Variants in PSME4 observed in about 807,000 individuals in gnomAD.
PSME4 encodes the protein proteasome activator complex subunit 4.
PSME4 carries 89 observed loss-of-function variants against 253.9 expected under a neutral mutation model. That is an observed-to-expected ratio of 0.35 (90% CI 0.30 to 0.42). The LOEUF (loss-of-function observed/expected upper bound fraction) is 0.42. Among genes scored for constraint, PSME4 ranks in the 10% least tolerant of loss-of-function variants. PSME4 has a pLI of 1.00. For missense variants in PSME4, 2,014 were observed against 2,195.2 expected, an observed-to-expected ratio of 0.92 and a Z score of 1.65; for synonymous variants, 851 against 759.2, an observed-to-expected ratio of 1.12 and a Z score of -1.99.
At chr2:53,906,764 T>C (rs201193595) in intron 25 of PSME4, 42 bp downstream of exon 25, 131 of 1,600,136 alleles carry the variant, frequency 8.2e-5, no homozygotes, top group Admixed American at 8.1e-4. Context: ...ATCTGGAAAA[T>C]TGACATTTTA....
chr2:53,934,725 T>A lies in PSME4; in HGVS notation c.837A>T (p.Ile279=), dbSNP rs1173625407. The change falls in exon 8 of 47, where the codon ATA becomes ATT. Residue 279 remains isoleucine (I), a splice_region_variant and synonymous_variant. Transcript: ENST00000404125. ...TCAAGCTTCTCAGAATTCTTGTAAA[T>A]ATCTTTTAAAAGAAAAAAATAAGTA... ...YIDWDPYVPK[I]FTRILRSLNL... 6.3e-7 allele frequency: 1 copy of A among 1,583,208 alleles called. No individual in the cohort carries two copies. Among genetic ancestry groups the A allele is most frequent in the Non-Finnish European group, 8.7e-7 (1 of 1,155,284 alleles).
At chr2:53,919,785 C>A (rs1668215049) in intron 19 of PSME4, among the ~76,000 whole-genome samples, 1 of 151,816 alleles carries the variant, frequency 6.6e-6, no homozygotes, top group Admixed American at 6.6e-5. Context: ...GTTTCAAATA[C>A]TTATTTCTTG....
At chr2:53,931,549 A>C (rs1158484181) in intron 10 of PSME4, among the ~76,000 whole-genome samples, 2 of 152,250 alleles carry the variant, frequency 1.3e-5, no homozygotes, top group African/African-American at 4.8e-5. Context: ...CAACATTTCG[A>C]TCTAAAAAGG....
chr2:53,921,661 G>T (rs1222178684), intron 17 of PSME4, among the ~76,000 whole-genome samples: 2 of 123,906 alleles, frequency 1.6e-5, no homozygotes, highest in Non-Finnish European at 1.7e-5. Flanking sequence ...GAGGTCAGGA[G>T]ATCGAGACCA....
In PSME4 at chr2:53,890,320, T is replaced by C. The variant is rs1003414867; in HGVS notation, c.4192-112A>G. 56 of 729,892 alleles carry C rather than the reference T, an allele frequency of 7.7e-5. No homozygotes were observed. The African/African-American group carries it at 9.0e-4, about 12-fold the overall frequency. 45.2% of individuals were successfully genotyped at this position (729,892 alleles called of 1,614,324 possible). ...ACATACAGGTATATCATTTAAATTA[T>C]TTTTGAGACATGGTCTCATGCTATT... On this transcript the variant is annotated intron_variant, in intron 36 of 46. Coordinates refer to ENST00000404125, the MANE Select transcript of PSME4 (RefSeq NM_014614.3).
chr2:53,914,717 C>G (rs1667978943), intron 20 of PSME4, among the ~76,000 whole-genome samples: 1 of 152,020 alleles, frequency 6.6e-6, no homozygotes, highest in Admixed American at 6.6e-5. Flanking sequence ...CCTGTCTCTA[C>G]TAAAAATACA....
chr2:53,948,894 G>T (rs773067642), intron 2 of PSME4, among the ~76,000 whole-genome samples: 4 of 152,096 alleles, frequency 2.6e-5, no homozygotes, highest in Admixed American at 6.6e-5. Context: ...TCTTCTCAAG[G>T]GACTTAACAA....
At chr2:53,950,901 G>C (rs1008752843) in intron 1 of PSME4, among the ~76,000 whole-genome samples, 3 of 150,918 alleles carry the variant, frequency 2.0e-5, no homozygotes, top group Admixed American at 6.6e-5. Flanking sequence ...ACAAATCAGA[G>C]TATATTTAAG....
rs1667665416 is a variant in PSME4 at position 53,908,383 on chromosome 2, G to A, written c.2721C>T (p.His907=). 1 of 1,613,044 alleles carries A rather than the reference G, an allele frequency of 6.2e-7. No individual in the cohort carries two copies. Among genetic ancestry groups the A allele is most frequent in the African/African-American group, 1.3e-5 (1 of 74,878 alleles). The part of the protein sequence containing the change: ...IGDLLQFQGS[H]KHEFDSRWKS... The stretch of plus-strand genomic sequence containing the variant: ...TCCATCGGGAGTCAAATTCATGCTT[G>A]TGAGATCCTTGGAATTGTAAAAGGT... The change falls in exon 24 of 47, where the codon CAC becomes CAT. Residue 907 remains histidine (H), a synonymous_variant. Transcript: ENST00000404125.
At chr2:53,938,942 T>C (rs1669251170) in intron 4 of PSME4, among the ~76,000 whole-genome samples, 1 of 152,236 alleles carries the variant, frequency 6.6e-6, no homozygotes, top group Admixed American at 6.5e-5. Context: ...TTAAGTTTTC[T>C]GATTCAATTG....
Position 53,970,818 on chromosome 2 carries a change from C to A in PSME4, c.-34G>T. The A allele has an allele frequency of 2.1e-6, 3 of 1,454,550 alleles. No individual in the cohort carries two copies. Among genetic ancestry groups the A allele is most frequent in the South Asian group, 1.3e-5 (1 of 75,078 alleles). The allele number at this position is 1,454,550 out of a possible 1,614,324, so 90.1% of individuals were successfully genotyped here. A position where few individuals can be genotyped will look rare whatever the true frequency, so the allele number is the denominator to read the frequency against. On this transcript the variant is annotated 5_prime_UTR_variant, in exon 1 of 47. Transcript: ENST00000404125. ...GGACACCCCCCCCACCCCCTCCCACCCGAACCCTCCCCGGCCCCCACCCCT... is the reference window on the plus strand; with the variant it reads ...GGACACCCCCCCCACCCCCTCCCACACGAACCCTCCCCGGCCCCCACCCCT...
intron 27 of PSME4, among the ~76,000 whole-genome samples, chr2:53,903,337 A>G (rs1680498124): frequency 1.3e-5 from 2 of 152,172 alleles, no homozygotes; most frequent in Non-Finnish European, 2.9e-5. Context: ...CCAAAAGCTT[A>G]GTAACTTTGA....
Position 53,939,910 on chromosome 2 carries a change from G to C in PSME4, c.545+46C>G, listed in dbSNP as rs770398157. The C allele has an allele frequency of 8.0e-6, 12 of 1,491,854 alleles. No homozygotes were observed. The South Asian group carries it at 1.3e-4, about 16-fold the overall frequency. The allele number at this position is 1,491,854 out of a possible 1,614,324, so 92.4% of individuals were successfully genotyped here. ...CAAACCATACTAAAGATGTGGAAAA[G>C]CCCACAGAAACAACAAGAGGCTTTA... On this transcript the variant is annotated intron_variant, in intron 4 of 46. Coordinates refer to ENST00000404125, the MANE Select transcript of PSME4 (RefSeq NM_014614.3).
At chr2:53,873,597 A>G (rs923359555) in intron 43 of PSME4, among the ~76,000 whole-genome samples, 3 of 152,232 alleles carry the variant, frequency 2.0e-5, no homozygotes, top group East Asian at 1.9e-4. Context: ...ATCTTTTTGT[A>G]CAAACCATTA....
chr2:53,872,739 C>G (rs1378315347), intron 43 of PSME4, among the ~76,000 whole-genome samples: 1 of 24,692 alleles, frequency 4.0e-5, no homozygotes, highest in Admixed American at 7.8e-4. Context: ...AAGACTTGGT[C>G]TCAAAAAAAA....
intron 17 of PSME4, among the ~76,000 whole-genome samples, chr2:53,921,784 C>T (rs1478772610): frequency 2.9e-5 from 4 of 137,860 alleles, no homozygotes; most frequent in Non-Finnish European, 4.7e-5. Context: ...AGGAGAATGG[C>T]GTGAACCCGG....
intron 20 of PSME4, among the ~76,000 whole-genome samples, 154 bp from the exon 21 acceptor site, chr2:53,910,284 T>C (rs1385479041): frequency 6.6e-6 from 1 of 152,188 alleles, no homozygotes; most frequent in African/African-American, 2.4e-5. Context: ...AATCAATCTA[T>C]CTTTCTCAAG....
intron 12 of PSME4, among the ~76,000 whole-genome samples, chr2:53,926,429 T>C (rs570847909): frequency 5.3e-5 from 8 of 152,302 alleles, no homozygotes; most frequent in Non-Finnish European, 1.0e-4. Context: ...ATCCTAGCAC[T>C]TTGGGAGGCC....
intron 43 of PSME4, among the ~76,000 whole-genome samples, chr2:53,873,009 G>C (rs1199479995): frequency 6.6e-6 from 1 of 151,798 alleles, no homozygotes; most frequent in Non-Finnish European, 1.5e-5. Context: ...GGGAAGCTGA[G>C]ACAGGCAGAT....
Sources: gnomAD v4.1 joint callset for allele counts (sites outside exome capture counted in the v4.1 genomes callset) on GRCh38, gnomAD v4.1.1 for gene constraint, MANE v1.5 for transcripts, NCBI Gene and HGNC (gene_info 2026-07-23, HGNC 2026-07-21) for gene names.